Variants in CHRNE observed in about 807,000 individuals in gnomAD.
CHRNE encodes the protein acetylcholine receptor subunit epsilon.
In CHRNE, 58 loss-of-function variants were observed where a neutral mutation model predicts 56.5. The ratio of observed to expected loss-of-function variants is 1.03; its 90% CI spans 0.83 to 1.28. CHRNE has a LOEUF of 1.28. Ranked by LOEUF, CHRNE falls within the 50% of genes most tolerant of loss-of-function variation. The pLI, the probability that CHRNE is intolerant of heterozygous loss-of-function variation, is 0.00. For synonymous variants in CHRNE, 385 were observed against 297.9 expected, an observed-to-expected ratio of 1.29 and a Z score of -3.01; for missense variants, 793 against 688.9, an observed-to-expected ratio of 1.15 and a Z score of -1.69.
chr17:4,899,173 C>G, intron 10 of CHRNE, 25 bp downstream of exon 10: 2 of 1,594,084 alleles, frequency 1.3e-6, no homozygotes, highest in Non-Finnish European at 1.7e-6. Context: ...CGCGCGGCCC[C>G]CCGGGCCAGG....
Position 4,902,405 on chromosome 17 carries a change from G to GACATGGC in CHRNE, c.234+44_234+45insGCCATGT, listed in dbSNP as rs1970021982. On this transcript the variant is annotated intron_variant, in intron 3 of 11. Coordinates refer to ENST00000649488, the MANE Select transcript of CHRNE (RefSeq NM_000080.4). This position sits in a 1 kb window ranked among gnomAD's most constrained non-coding sequence, Gnocchi z 4.0. ...CCTGGGAGGGGTTTGGGGGAAAAGGGGTGCCCTGGACAAGACCTCACACCA... is the reference window on the plus strand; with the variant it reads ...CCTGGGAGGGGTTTGGGGGAAAAGGGACATGGCGTGCCCTGGACAAGACCTCACACCA... 6.2e-7 allele frequency: 1 copy of GACATGGC among 1,613,882 alleles called. No homozygotes were observed. Among genetic ancestry groups the GACATGGC allele is most frequent in the African/African-American group, 1.3e-5 (1 of 74,902 alleles).
chr17:4,899,367 C>A lies in CHRNE; in HGVS notation c.1050G>T (p.Leu350=). 6.5e-7 allele frequency: 1 copy of A among 1,533,254 alleles called. No individual in the cohort carries two copies. Among genetic ancestry groups the A allele is most frequent in the Non-Finnish European group, 8.7e-7 (1 of 1,145,246 alleles). 95.0% of individuals were successfully genotyped at this position (1,533,254 alleles called of 1,614,324 possible). ...GCGGCGGGGAGCCCAGGAGGCGCGG[C>A]AGCAGCTCCAGGAGAACCTGGGGCA... ...PRLRHVLLEL[L]PRLLGSPPPP... The change falls in exon 10 of 12, where the codon CTG becomes CTT. Residue 350 remains leucine, a synonymous_variant. Transcript: ENST00000649488.
At chr17:4,904,030 G>T (rs1318751839), upstream of CHRNE, among the ~76,000 whole-genome samples, 1 of 151,622 alleles carries the variant, frequency 6.6e-6, no homozygotes. Flanking sequence ...GCTAATTTTT[G>T]TATTTTTTAG....
intron 5 of CHRNE, 48 bp downstream of exon 5, chr17:4,901,884 G>GCCCC (rs113559784): frequency 5.2e-6 from 8 of 1,526,438 alleles, no homozygotes; most frequent in Admixed American, 1.7e-5. Flanking sequence ...GCCCCATAAG[G>GCCCC]CCCCCCCCCA....
intron 8 of CHRNE, chr17:4,900,337 C>A (rs1244688303): frequency 6.5e-7 from 1 of 1,546,348 alleles, no homozygotes; most frequent in Non-Finnish European, 8.7e-7. Flanking sequence ...AGCCGGGTAG[C>A]CCAAGCCGCA....
intron 6 of CHRNE, 70 bp downstream of exon 6, chr17:4,901,455 G>A: frequency 6.9e-7 from 1 of 1,440,204 alleles, no homozygotes; most frequent in Non-Finnish European, 9.8e-7. Flanking sequence ...TCCGGGGCAA[G>A]CCCACCGTGG....
rs778028755 is a variant in CHRNE at position 4,900,984 on chromosome 17, G to A, written c.802+6C>T. ...GTTTGGGGGTAGGTTCGGGGCCACT[G>A]CTTACCCTGCGCCGGCAGGAAGTAG... On this transcript the variant is annotated splice_donor_region_variant and intron_variant, in intron 7 of 11. Transcript: ENST00000649488. The A allele has an allele frequency of 1.9e-6, 3 of 1,613,810 alleles. No individual in the cohort carries two copies. The highest frequency in any genetic ancestry group is 2.5e-6 in the Non-Finnish European group (3 of 1,179,866).
upstream of CHRNE, among the ~76,000 whole-genome samples, chr17:4,906,679 C>T (rs892807389): frequency 6.6e-6 from 1 of 151,752 alleles, no homozygotes; most frequent in African/African-American, 2.4e-5. Flanking sequence ...ATAGTGAGAC[C>T]TCATCTGTAA....
chr17:4,899,952 C>G (rs765713361), intron 8 of CHRNE: 1 of 1,550,958 alleles, frequency 6.4e-7, no homozygotes, highest in South Asian at 1.2e-5. Context: ...CTCCAGCCCC[C>G]GCTTCTGTCT....
At chr17:4,900,445 G>A (rs1205083862) in intron 8 of CHRNE, 1 of 1,551,102 alleles carries the variant, frequency 6.4e-7, no homozygotes, top group South Asian at 1.2e-5. Flanking sequence ...GGTCTGCAGG[G>A]GTCTGCCTCA....
chr17:4,901,707 T>G (rs918010696), intron 5 of CHRNE, 82 bp from the exon 6 acceptor site: 40 of 1,412,396 alleles, frequency 2.8e-5, no homozygotes, highest in Non-Finnish European at 4.0e-5. Context: ...AGCTGGGATC[T>G]AGCGGGGCCG....
chr17:4,900,950 C>T, intron 7 of CHRNE, 40 bp downstream of exon 7: 1 of 1,613,956 alleles, frequency 6.2e-7, no homozygotes, highest in Non-Finnish European at 8.5e-7. Flanking sequence ...CTCCCGGGAG[C>T]GAGCCCGGGT....
chr17:4,902,970 T>C lies in CHRNE; in HGVS notation c.46+48A>G. The C allele has an allele frequency of 6.2e-7, 1 of 1,611,748 alleles. No individual in the cohort carries two copies. Among genetic ancestry groups the C allele is most frequent in the Non-Finnish European group, 8.5e-7 (1 of 1,177,880 alleles). On this transcript the variant is annotated intron_variant, in intron 1 of 11. Coordinates refer to ENST00000649488, the MANE Select transcript of CHRNE (RefSeq NM_000080.4). The surrounding 1 kb of genome is among the most constrained non-coding windows in gnomAD (Gnocchi z 4.0). ...TGTCTTTGTCTTCCCAGTCCCTTCATGTCAGTATCTGTGTGTGTCCAATTG... is the reference window on the plus strand; with the variant it reads ...TGTCTTTGTCTTCCCAGTCCCTTCACGTCAGTATCTGTGTGTGTCCAATTG...
At chr17:4,907,346 G>A (rs922994192), upstream of CHRNE, among the ~76,000 whole-genome samples, 4 of 151,744 alleles carry the variant, frequency 2.6e-5, no homozygotes, top group Non-Finnish European at 5.9e-5. Context: ...GGCGGATCAC[G>A]AGGTCAGGAG....
Position 4,900,799 on chromosome 17 carries a change from A to C in CHRNE, c.911T>G (p.Leu304Arg). ...IPETSLSVPL[L>R]GRFLIFVMVV... ...GCGGGGGCTCCGGCTTCACCTGCCC[A>C]GGAGCGGCACGCTCAGAGAAGTCTC... Residue 304 changes from leucine to arginine, a missense_variant, in exon 8 of 12, where the codon CTG becomes CGG. Transcript: ENST00000649488. The C allele has an allele frequency of 1.2e-6, 2 of 1,613,656 alleles. No homozygotes were observed. Among genetic ancestry groups the C allele is most frequent in the East Asian group, 2.2e-5 (1 of 44,860 alleles).
rs1255436630 is a variant in CHRNE at position 4,902,805 on chromosome 17, G to T, written c.47-42C>A. 6.2e-7 allele frequency: 1 copy of T among 1,613,840 alleles called. No homozygotes were observed. Among genetic ancestry groups the T allele is most frequent in the South Asian group, 1.1e-5 (1 of 91,070 alleles). On this transcript the variant is annotated intron_variant, in intron 1 of 11. Coordinates refer to ENST00000649488, the MANE Select transcript of CHRNE (RefSeq NM_000080.4). The surrounding 1 kb of genome is among the most constrained non-coding windows in gnomAD (Gnocchi z 4.0). ...AAGGAAGGGTCATTGGCAATGAAGA[G>T]GCTGGAGCACCTCTCTCCCCTCTGC...
rs766195083 is a variant in CHRNE at position 4,901,583 on chromosome 17, G to T, written c.543C>A (p.Ala181=). The part of the protein sequence containing the change: ...YNAEEVEFTF[A]VDNDGKTINK... ...TGATGGTCTTGCCGTCGTTGTCTAC[G>T]GCAAAAGTGAACTCCACCTCTTCGG... Residue 181 remains alanine, a synonymous_variant, in exon 6 of 12, where the codon GCC becomes GCA. Transcript: ENST00000649488. 1.2e-6 allele frequency: 2 copies of T among 1,614,134 alleles called. No homozygotes were observed.
chr17:4,900,712 AG>A, intron 8 of CHRNE, 80 bp downstream of exon 8: 1 of 1,491,404 alleles, frequency 6.7e-7, no homozygotes, highest in Non-Finnish European at 9.1e-7. Context: ...AGACAGCCAG[AG>A]CTTTTCCCGG....
In CHRNE at chr17:4,898,602, A is replaced by G; in HGVS notation, c.*134T>C. 8.0e-7 allele frequency: 1 copy of G among 1,257,700 alleles called. No individual in the cohort carries two copies. Among genetic ancestry groups the G allele is most frequent in the Non-Finnish European group, 1.1e-6 (1 of 898,770 alleles). 77.9% of individuals were successfully genotyped at this position (1,257,700 alleles called of 1,614,324 possible). ...TACACACGCCAGGGAACGGGCACAC[A>G]CCATTCTTGTGAAGTTCACAAACTG... On this transcript the variant is annotated 3_prime_UTR_variant, in exon 12 of 12. Transcript: ENST00000649488.
Sources: allele counts gnomAD v4.1 joint callset (sites outside exome capture counted in the v4.1 genomes callset), GRCh38; gene constraint gnomAD v4.1.1; non-coding constraint Gnocchi (gnomAD v3.1); transcripts MANE v1.5; gene names NCBI Gene and HGNC (gene_info 2026-07-23, HGNC 2026-07-21).